The following REL variants were observed in gnomAD, a reference collection of about 807,000 sequenced individuals.
The protein encoded by REL is proto-oncogene c-Rel.
In REL, 15 loss-of-function variants were observed where a neutral mutation model predicts 45.9. That is an observed-to-expected ratio of 0.33 (90% CI 0.22 to 0.50). REL has a LOEUF of 0.50. REL is among the 20% of genes least tolerant of loss of function. The probability of loss-of-function intolerance (pLI) is 0.98; values close to 1 mark genes in which losing one functional copy is unlikely to be tolerated. For missense variants in REL, 601 were observed against 715.2 expected, an observed-to-expected ratio of 0.84 and a Z score of 1.82; for synonymous variants, 239 against 242.1, an observed-to-expected ratio of 0.99 and a Z score of 0.12.
chr2:60,883,636 T>G lies in REL; in HGVS notation c.10+1786T>G, dbSNP rs76031313. On this transcript the variant is annotated intron_variant, in intron 1 of 9. Coordinates refer to ENST00000394479, the MANE Select transcript of REL (RefSeq NM_001291746.2). ...TTGATATATTGCATGAATTTAATAC[T>G]TCTAATTTTTTCAGTTGAGAGAGGA... Among the ~76,000 whole-genome samples, 510 of 152,318 alleles carry G rather than the reference T, an allele frequency of 3.3e-3. 6 individuals carry two copies. The highest frequency in any genetic ancestry group is 0.012 in the African/African-American group (489 of 41,570).
In REL at chr2:60,906,929, T is replaced by C. The variant is rs1392394628; in HGVS notation, c.394+5846T>C. On this transcript the variant is annotated intron_variant, in intron 4 of 9. Transcript: ENST00000394479. ...TATATATATATTTTTTTTTTTTTTT[T>C]CTTTTCCGAGACAGAGTTTCGCTCT... is the stretch of plus-strand genomic sequence containing the variant. Among the ~76,000 whole-genome samples the C allele has an allele frequency of 2.1e-5, 3 of 145,494 alleles. No homozygotes were observed. In the East Asian group the frequency reaches 6.0e-4, roughly 29 times the overall value.
At chr2:60,916,598 T>C (rs1303655751) in intron 4 of REL, among the ~76,000 whole-genome samples, 2 of 152,198 alleles carry the variant, frequency 1.3e-5, no homozygotes, top group Non-Finnish European at 2.9e-5. Context: ...TTTAAAACTT[T>C]GATTTGTTAT....
intron 1 of REL, among the ~76,000 whole-genome samples, chr2:60,883,014 A>G (rs1573307224): frequency 6.6e-6 from 1 of 152,018 alleles, no homozygotes; most frequent in Admixed American, 6.6e-5. Context: ...GGGCGGGGGG[A>G]TAAATCAAGT....
intron 4 of REL, among the ~76,000 whole-genome samples, chr2:60,907,626 C>T (rs1486085085): frequency 6.6e-6 from 1 of 151,232 alleles, no homozygotes; most frequent in Admixed American, 6.6e-5. Context: ...AGTGAGACCC[C>T]GTATCAAAAA....
At chr2:60,907,868 T>G (rs754686072) in intron 4 of REL, among the ~76,000 whole-genome samples, 2 of 151,436 alleles carry the variant, frequency 1.3e-5, no homozygotes, top group East Asian at 3.9e-4. Context: ...TTTTTTTGTA[T>G]TTTTTAGTAG....
intron 2 of REL, 72 bp downstream of exon 2, chr2:60,891,897 AG>A (rs1673225299): frequency 7.3e-7 from 1 of 1,364,170 alleles, no homozygotes; most frequent in Non-Finnish European, 9.7e-7. Flanking sequence ...ATTATTTTAA[AG>A]GGCCAGTTTC....
At chr2:60,891,589 T>A (rs1471303484) in intron 1 of REL, 94 bp from the exon 2 acceptor site, 8 of 1,114,232 alleles carry the variant, frequency 7.2e-6, no homozygotes, top group African/African-American at 1.6e-5. Context: ...AATCTTTGTT[T>A]TAGTCTGCTG....
At chr2:60,902,963 A>C (rs186958408) in intron 4 of REL, among the ~76,000 whole-genome samples, 1 of 152,182 alleles carries the variant, frequency 6.6e-6, no homozygotes, top group African/African-American at 2.4e-5. Context: ...ATACACTGTG[A>C]GCTCTTGTGT....
chr2:60,923,559 G>T lies in REL; in HGVS notation c.*1024G>T, dbSNP rs758155138. On this transcript the variant is annotated 3_prime_UTR_variant, in exon 10 of 10. Coordinates refer to ENST00000394479, the MANE Select transcript of REL (RefSeq NM_001291746.2). ...CCCTCCCAAACTTGCTTCTCCTTCA[G>T]TCTTCTCCAACTCAGTAAATGGCAA... The T allele has an allele frequency of 1.7e-5, 4 of 232,550 alleles. No individual in the cohort carries two copies. The East Asian group carries it at 1.8e-4, about 11-fold the overall frequency. 14.4% of individuals were successfully genotyped at this position (232,550 alleles called of 1,614,324 possible).
At chr2:60,913,852 A>G (rs573508796) in intron 4 of REL, among the ~76,000 whole-genome samples, 1 of 152,200 alleles carries the variant, frequency 6.6e-6, no homozygotes, top group African/African-American at 2.4e-5. Context: ...ATTATCATCT[A>G]TCATTACCAA....
intron 1 of REL, among the ~76,000 whole-genome samples, chr2:60,882,377 G>A (rs1163105733): frequency 6.6e-6 from 1 of 152,088 alleles, no homozygotes; most frequent in Non-Finnish European, 1.5e-5. Context: ...TGTTAATGTT[G>A]CTTCGACCAA....
At position 60,888,116 on chromosome 2, in the gene REL, A is replaced by G. The variant is rs931607519; in HGVS notation, c.11-3567A>G. ...CTAATTTTTTGTATTTTTAGTAGAG[A>G]TGGGGTTTCACCATGTTTTCCAGGC... On this transcript the variant is annotated intron_variant, in intron 1 of 9. Transcript: ENST00000394479. 3.3e-5 allele frequency among the ~76,000 whole-genome samples: 5 copies of G among 151,860 alleles called. No individual in the cohort carries two copies. The East Asian group carries it at 7.7e-4, about 23-fold the overall frequency.
intron 3 of REL, among the ~76,000 whole-genome samples, chr2:60,894,882 G>A (rs1487932198): frequency 7.7e-6 from 1 of 129,236 alleles, no homozygotes; most frequent in Non-Finnish European, 1.6e-5. Flanking sequence ...TTGAGATGGA[G>A]TTTTACCCTT....
Position 60,924,770 on chromosome 2 carries a change from A to G in REL, c.*2235A>G, listed in dbSNP as rs554122936. 3 of 207,510 alleles carry G rather than the reference A, an allele frequency of 1.4e-5. No individual in the cohort carries two copies. The South Asian group carries it at 5.7e-4, about 39-fold the overall frequency. The allele number at this position is 207,510 out of a possible 1,614,324, so 12.9% of individuals were successfully genotyped here. A position where few individuals can be genotyped will look rare whatever the true frequency, so the allele number is the denominator to read the frequency against. On this transcript the variant is annotated 3_prime_UTR_variant, in exon 10 of 10. Transcript: ENST00000394479. Reference sequence around the variant, plus strand: ...AAGATTTTTAAAAGAGACTTGTCACATATTCATTTGGCTGGTTTCAAATGG... The same window carrying G: ...AAGATTTTTAAAAGAGACTTGTCACGTATTCATTTGGCTGGTTTCAAATGG...
At chr2:60,885,752 A>G (rs1027139935) in intron 1 of REL, among the ~76,000 whole-genome samples, 1 of 152,204 alleles carries the variant, frequency 6.6e-6, no homozygotes. Context: ...GGTCTCAGGC[A>G]AAGTCTGTCA....
intron 3 of REL, among the ~76,000 whole-genome samples, chr2:60,896,587 T>C (rs1367926241): frequency 6.6e-6 from 1 of 152,014 alleles, no homozygotes; most frequent in East Asian, 1.9e-4. Context: ...TAGAAAAAAA[T>C]ACTTTAAATG....
At chr2:60,902,595 C>CT (rs59468048) in intron 4 of REL, among the ~76,000 whole-genome samples, 1,647 of 120,744 alleles carry the variant, frequency 0.014, 24 homozygotes, top group African/African-American at 0.03. Context: ...ATTTAGTCAT[C>CT]TTTTTTTTTT....
Position 60,931,119 on chromosome 2 carries a change from T to C in REL, c.*8584T>C, listed in dbSNP as rs1465160699. ...GATCCATTTGTGGAACTGAATTTAA[T>C]GAGACTTCATTGGTGATACACTCAA... On this transcript the variant is annotated 3_prime_UTR_variant, in exon 10 of 10. Transcript: ENST00000394479. 11 of 152,370 alleles carry C rather than the reference T, an allele frequency of 7.2e-5. No homozygotes were observed. Among genetic ancestry groups the C allele is most frequent in the Admixed American group, 6.5e-4 (10 of 15,290 alleles). The allele number at this position is 152,370 out of a possible 1,614,324, so 9.4% of individuals were successfully genotyped here.
At chr2:60,884,427 G>A (rs1673022222) in intron 1 of REL, among the ~76,000 whole-genome samples, 1 of 151,988 alleles carries the variant, frequency 6.6e-6, no homozygotes, top group South Asian at 2.1e-4. Flanking sequence ...CTTGTATTAA[G>A]CTGCCTTTCG....
Sources: allele counts gnomAD v4.1 joint callset (sites outside exome capture counted in the v4.1 genomes callset), GRCh38; gene constraint gnomAD v4.1.1; transcripts MANE v1.5; gene names NCBI Gene and HGNC (gene_info 2026-07-23, HGNC 2026-07-21).